TMEM182: variants seen among roughly 807,000 people sequenced by gnomAD.
The protein encoded by TMEM182 is transmembrane protein 182.
Under a neutral mutation model 26.8 loss-of-function variants are expected in TMEM182, and 20 were observed. The ratio of observed to expected loss-of-function variants is 0.75; its 90% CI spans 0.53 to 1.09. TMEM182 has a LOEUF of 1.09. Among genes scored for constraint, TMEM182 ranks in the 50% least tolerant of loss-of-function variants. The pLI is 0.00. For missense variants in TMEM182, 277 were observed against 275.5 expected (o/e 1.01, Z -0.04); for synonymous variants, 109 against 102.2 (o/e 1.07, Z -0.40).
chr2:102,746,681 C>T (rs551386608), intron 1 of TMEM182, among the ~76,000 whole-genome samples: 5 of 152,216 alleles, frequency 3.3e-5, no homozygotes, highest in South Asian at 2.1e-4. Flanking sequence ...GAACCCCTCC[C>T]GGGTTCAAGC....
At chr2:102,784,300 G>C (rs1681295380) in intron 3 of TMEM182, among the ~76,000 whole-genome samples, 1 of 151,830 alleles carries the variant, frequency 6.6e-6, no homozygotes, top group Admixed American at 6.6e-5. Context: ...TAAGAAAAAA[G>C]CATCAGGAAA....
intron 3 of TMEM182, among the ~76,000 whole-genome samples, chr2:102,835,635 G>A (rs1215784229): frequency 6.6e-6 from 1 of 151,844 alleles, no homozygotes; most frequent in Non-Finnish European, 1.5e-5. Flanking sequence ...GAAAACCACG[G>A]ATCTTTTCAC....
intron 1 of TMEM182, among the ~76,000 whole-genome samples, chr2:102,740,564 A>G (rs1463608734): frequency 6.6e-6 from 1 of 152,174 alleles, no homozygotes; most frequent in Admixed American, 6.5e-5. Flanking sequence ...TGTCTTTATA[A>G]GCAGTGCGAG....
intron 1 of TMEM182, among the ~76,000 whole-genome samples, chr2:102,757,012 A>G (rs1053850052): frequency 1.3e-5 from 2 of 152,078 alleles, no homozygotes; most frequent in Non-Finnish European, 1.5e-5. Context: ...GAGTTTCACC[A>G]TCTTGGCCAG....
chr2:102,837,915 G>C (rs1683275955), intron 3 of TMEM182, among the ~76,000 whole-genome samples: 2 of 152,146 alleles, frequency 1.3e-5, no homozygotes, highest in Admixed American at 1.3e-4. Context: ...ATGGGGCTTA[G>C]GGCAAAATGT....
Position 102,823,427 on chromosome 2 carries a change from G to T in TMEM182, c.326-19985G>T, listed in dbSNP as rs529022852. Among the ~76,000 whole-genome samples, 236 of 152,204 alleles carry T rather than the reference G, an allele frequency of 1.6e-3. 1 individual carries two copies. Among genetic ancestry groups the T allele is most frequent in the Non-Finnish European group, 2.0e-3 (135 of 67,990 alleles). The stretch of plus-strand genomic sequence containing the variant: ...AGCTGACTGCAACCTCCGCCTCCTG[G>T]GTTCAAGCGATTCTCCTGCCTCAGC... On this transcript the variant is annotated intron_variant, in intron 3 of 3. Coordinates refer to the TMEM182 transcript ENST00000486293.
At chr2:102,810,548 A>G (rs1682518102) in intron 4 of TMEM182, among the ~76,000 whole-genome samples, 1 of 152,206 alleles carries the variant, frequency 6.6e-6, no homozygotes, top group Non-Finnish European at 1.5e-5. Flanking sequence ...GTTTTGTAAG[A>G]GAACCCATGC....
At chr2:102,829,277 G>A (rs2104773768) in intron 3 of TMEM182, among the ~76,000 whole-genome samples, 1 of 152,232 alleles carries the variant, frequency 6.6e-6, no homozygotes, top group East Asian at 1.9e-4. Context: ...TAGTTTCTAG[G>A]GGATAGGTCC....
chr2:102,784,344 G>C (rs1681297227), intron 3 of TMEM182, among the ~76,000 whole-genome samples: 1 of 146,904 alleles, frequency 6.8e-6, no homozygotes, highest in African/African-American at 2.5e-5. Context: ...AAGAAAGTAT[G>C]TGTTTTTCTA....
downstream of TMEM182, among the ~76,000 whole-genome samples, chr2:102,820,733 G>C (rs574833007): frequency 2.0e-5 from 3 of 152,338 alleles, no homozygotes; most frequent in South Asian, 4.1e-4. Context: ...CATTGAAGCA[G>C]GGAGCTTTGT....
intron 1 of TMEM182, 103 bp from the exon 2 acceptor site, chr2:102,762,484 A>G: frequency 6.6e-7 from 1 of 1,523,710 alleles, no homozygotes; most frequent in Admixed American, 1.9e-5. Flanking sequence ...ACTGAGCTTC[A>G]TTATTTGGGA....
chr2:102,787,020 A>C (rs1681423629), intron 3 of TMEM182, among the ~76,000 whole-genome samples: 1 of 152,222 alleles, frequency 6.6e-6, no homozygotes, highest in Non-Finnish European at 1.5e-5. Context: ...GGAGAAGCCA[A>C]GTAATTTGGC....
At chr2:102,741,864 C>G (rs1326070207) in intron 1 of TMEM182, among the ~76,000 whole-genome samples, 1 of 152,172 alleles carries the variant, frequency 6.6e-6, no homozygotes, top group African/African-American at 2.4e-5. Flanking sequence ...GAACCCCCAA[C>G]TATGAAAATA....
At chr2:102,754,894 G>A (rs1234174403) in intron 1 of TMEM182, among the ~76,000 whole-genome samples, 7 of 152,208 alleles carry the variant, frequency 4.6e-5, no homozygotes, top group African/African-American at 1.7e-4. Context: ...CTGAATCAAA[G>A]CAGGCAAAGC....
At chr2:102,769,485 G>A (rs78033262) in intron 3 of TMEM182, among the ~76,000 whole-genome samples, 1 of 151,974 alleles carries the variant, frequency 6.6e-6, no homozygotes, top group South Asian at 2.1e-4. Context: ...ATTTTAGTGG[G>A]TTTTTAATCC....
chr2:102,751,513 C>G (rs1417176541), intron 1 of TMEM182, among the ~76,000 whole-genome samples: 1 of 152,126 alleles, frequency 6.6e-6, no homozygotes, highest in Non-Finnish European at 1.5e-5. Flanking sequence ...TCCATGCAAG[C>G]TTCCAGCCTG....
intron 3 of TMEM182, among the ~76,000 whole-genome samples, chr2:102,780,006 G>A (rs981744623): frequency 2.0e-5 from 3 of 150,864 alleles, no homozygotes; most frequent in Non-Finnish European, 4.4e-5. Context: ...TCTGTCTTGG[G>A]AAAAAAAATT....
At chr2:102,820,304 A>C (rs1160030998), downstream of TMEM182, among the ~76,000 whole-genome samples, 2 of 152,212 alleles carry the variant, frequency 1.3e-5, no homozygotes, top group East Asian at 1.9e-4. Flanking sequence ...TAGTTTATTC[A>C]ACAAACAGTA....
At chr2:102,741,897 C>A (rs565017147) in intron 1 of TMEM182, among the ~76,000 whole-genome samples, 79 of 152,264 alleles carry the variant, frequency 5.2e-4, no homozygotes, top group Middle Eastern at 3.4e-3. Flanking sequence ...TAGCTTCTAG[C>A]CAGATTAACA....
Sources: allele counts gnomAD v4.1 joint callset (sites outside exome capture counted in the v4.1 genomes callset), GRCh38; gene constraint gnomAD v4.1.1; transcripts MANE v1.5; gene names NCBI Gene and HGNC (gene_info 2026-07-23, HGNC 2026-07-21).